Variants in P4HA1 observed in about 807,000 individuals in gnomAD.
P4HA1 encodes prolyl 4-hydroxylase subunit alpha 1.
Under a neutral mutation model 72.8 loss-of-function variants are expected in P4HA1, and 24 were observed. The observed-to-expected ratio is 0.33, with a 90% CI of 0.24 to 0.46. P4HA1 has a LOEUF of 0.46. Ranked by LOEUF, P4HA1 falls within the 20% of genes least tolerant of loss-of-function variation. The probability of loss-of-function intolerance (pLI) is 1.00; values close to 1 mark genes in which losing one functional copy is unlikely to be tolerated. For synonymous variants in P4HA1, 201 were observed against 218.8 expected, an observed-to-expected ratio of 0.92 and a Z score of 0.72; for missense variants, 446 against 640.6, an observed-to-expected ratio of 0.70 and a Z score of 3.28.
chr10:73,008,147 G>T lies in P4HA1; in HGVS notation c.*75C>A. 1.1e-6 allele frequency: 1 copy of T among 886,582 alleles called. No individual in the cohort carries two copies. Among genetic ancestry groups the T allele is most frequent in the South Asian group, 1.5e-5 (1 of 66,112 alleles). The allele number at this position is 886,582 out of a possible 1,614,324, so 54.9% of individuals were successfully genotyped here. On this transcript the variant is annotated 3_prime_UTR_variant, in exon 15 of 15. Transcript: ENST00000394890. ...GAGTGTTAGTCAATTGTAAACTCCTGAAAGTTAAGACTAGGAAATGTGTAT... is the reference window on the plus strand; with the variant it reads ...GAGTGTTAGTCAATTGTAAACTCCTTAAAGTTAAGACTAGGAAATGTGTAT...
chr10:73,065,918 T>C (rs187166276), intron 5 of P4HA1, among the ~76,000 whole-genome samples: 4 of 152,100 alleles, frequency 2.6e-5, no homozygotes, highest in African/African-American at 9.6e-5. Context: ...ACAGATAAAT[T>C]TACTGAAAAT....
At chr10:73,022,173 CAA>C (rs1244659840) in intron 10 of P4HA1, among the ~76,000 whole-genome samples, 1 of 152,176 alleles carries the variant, frequency 6.6e-6, no homozygotes, top group East Asian at 1.9e-4. Flanking sequence ...CTCTGAGAAC[CAA>C]AGACTGCCTC....
At chr10:73,035,368 A>T (rs1219166443) in intron 9 of P4HA1, among the ~76,000 whole-genome samples, 2 of 152,182 alleles carry the variant, frequency 1.3e-5, no homozygotes, top group Admixed American at 1.3e-4. Context: ...AAATTAAAAT[A>T]AATTAATGAG....
chr10:73,058,714 A>G lies in P4HA1; in HGVS notation c.464-5124T>C, dbSNP rs563681595. ...AAATGAGGATTTCTATACATGAAGTAATGACTGGGGTATATCAATAAATTA... is the reference window on the plus strand; with the variant it reads ...AAATGAGGATTTCTATACATGAAGTGATGACTGGGGTATATCAATAAATTA... On this transcript the variant is annotated intron_variant, in intron 5 of 14. Coordinates refer to ENST00000394890, the MANE Select transcript of P4HA1 (RefSeq NM_001017962.3). Among the ~76,000 whole-genome samples the G allele has an allele frequency of 3.9e-5, 6 of 152,298 alleles. No homozygotes were observed. In the East Asian group the frequency reaches 1.2e-3, roughly 29 times the overall value.
At chr10:73,032,707 G>C (rs577785297) in intron 9 of P4HA1, among the ~76,000 whole-genome samples, 2 of 152,206 alleles carry the variant, frequency 1.3e-5, no homozygotes, top group Non-Finnish European at 2.9e-5. Context: ...CTTTAGAGAA[G>C]CTTTCCTTTA....
At chr10:73,023,779 T>C (rs1482122780) in intron 10 of P4HA1, among the ~76,000 whole-genome samples, 1 of 136,258 alleles carries the variant, frequency 7.3e-6, no homozygotes. Context: ...AATAAAGGGA[T>C]GGAGGAAGAT....
intron 9 of P4HA1, among the ~76,000 whole-genome samples, chr10:73,040,889 GTTTAATT>G: frequency 6.6e-6 from 1 of 151,986 alleles, no homozygotes. Flanking sequence ...TCTGTTAACA[GTTTAATT>G]TTTATTTTTT....
intron 9 of P4HA1, among the ~76,000 whole-genome samples, chr10:73,042,363 C>A (rs1234599343): frequency 2.6e-5 from 4 of 152,150 alleles, no homozygotes. Context: ...TAATCTTTTT[C>A]TTTTTGAAGA....
At chr10:73,027,018 G>A (rs6480658) in intron 10 of P4HA1, among the ~76,000 whole-genome samples, 7,684 of 152,210 alleles carry the variant, frequency 0.05, 660 homozygotes, top group African/African-American at 0.17. Context: ...AATTAGTTCA[G>A]CCATTGTGGA....
At chr10:73,043,637 C>T (rs1449128930) in intron 9 of P4HA1, among the ~76,000 whole-genome samples, 4 of 152,152 alleles carry the variant, frequency 2.6e-5, no homozygotes, top group African/African-American at 4.8e-5. Context: ...TATGAGAACA[C>T]ATTTCACTTA....
intron 10 of P4HA1, among the ~76,000 whole-genome samples, chr10:73,023,808 G>GAAAAAAAA (rs1229563598): frequency 1.2e-5 from 1 of 85,196 alleles, no homozygotes; most frequent in African/African-American, 3.5e-5. Flanking sequence ...CAAATGGAAA[G>GAAAAAAAA]AAAAAAAAAA....
At chr10:73,022,180 T>G (rs1461995174) in intron 10 of P4HA1, among the ~76,000 whole-genome samples, 2 of 152,198 alleles carry the variant, frequency 1.3e-5, no homozygotes, top group Non-Finnish European at 2.9e-5. Flanking sequence ...AACCAAAGAC[T>G]GCCTCCTCAA....
Position 73,075,742 on chromosome 10 carries a change from AGTGT to A in P4HA1, c.-32-831_-32-828del, listed in dbSNP as rs531577086. 9.7e-4 allele frequency among the ~76,000 whole-genome samples: 143 copies of A among 147,854 alleles called. 1 individual carries two copies. Among genetic ancestry groups the A allele is most frequent in the Non-Finnish European group, 1.0e-3 (68 of 67,100 alleles). On this transcript the variant is annotated intron_variant, in intron 1 of 14. Coordinates refer to ENST00000394890, the MANE Select transcript of P4HA1 (RefSeq NM_001017962.3). Reference sequence around the variant, plus strand: ...TCATATATATTTTATATATATATATAGTGTGTGTGTGTGTGTGTATGTGTGTATG... The same window carrying A: ...TCATATATATTTTATATATATATATAGTGTGTGTGTGTGTATGTGTGTATG...
At chr10:73,094,101 G>A (rs2133176974) in intron 1 of P4HA1, among the ~76,000 whole-genome samples, 1 of 151,704 alleles carries the variant, frequency 6.6e-6, no homozygotes, top group East Asian at 1.9e-4. Context: ...CTTTCAGAAT[G>A]GAAAACCAAA....
intron 5 of P4HA1, among the ~76,000 whole-genome samples, chr10:73,061,985 C>T (rs1841324157): frequency 6.6e-6 from 1 of 152,160 alleles, no homozygotes; most frequent in Non-Finnish European, 1.5e-5. Flanking sequence ...TGCCAATGCA[C>T]TCCAGCCTGG....
intron 1 of P4HA1, among the ~76,000 whole-genome samples, chr10:73,096,046 CTT>C (rs1250622988): frequency 6.6e-6 from 1 of 152,156 alleles, no homozygotes; most frequent in Non-Finnish European, 1.5e-5. Context: ...GAGAAGAGCT[CTT>C]GTCTCTTTTT....
intron 10 of P4HA1, among the ~76,000 whole-genome samples, chr10:73,020,649 AAC>A (rs781607915): frequency 1.3e-5 from 2 of 152,224 alleles, no homozygotes; most frequent in Non-Finnish European, 1.5e-5. Flanking sequence ...ATTCCTGATG[AAC>A]ACAGACACAA....
At chr10:73,069,115 C>G (rs541189007) in intron 4 of P4HA1, 132 bp from the exon 5 acceptor site, 1 of 646,716 alleles carries the variant, frequency 1.5e-6, no homozygotes, top group Non-Finnish European at 2.6e-6. Flanking sequence ...ACATACTCAA[C>G]AAGAAAAAAT....
intron 10 of P4HA1, among the ~76,000 whole-genome samples, chr10:73,022,536 G>T (rs1401118274): frequency 1.3e-5 from 2 of 152,150 alleles, no homozygotes; most frequent in Non-Finnish European, 2.9e-5. Context: ...CAAAGATGGG[G>T]AGAAACCAGA....
Sources: gnomAD v4.1 joint callset for allele counts (sites outside exome capture counted in the v4.1 genomes callset) on GRCh38, gnomAD v4.1.1 for gene constraint, MANE v1.5 for transcripts, NCBI Gene and HGNC (gene_info 2026-07-23, HGNC 2026-07-21) for gene names.